The following SPATA21 variants were observed in gnomAD, a reference collection of about 807,000 sequenced individuals.
SPATA21 encodes spermatogenesis associated 21, also known as spermatogenesis-associated protein 21.
In SPATA21, 47 loss-of-function variants were observed where a neutral mutation model predicts 54.8. The observed-to-expected ratio is 0.86, with a 90% CI of 0.68 to 1.09. SPATA21 has a LOEUF of 1.09. Among genes scored for constraint, SPATA21 ranks in the 50% least tolerant of loss-of-function variants. The pLI, the probability that SPATA21 is intolerant of heterozygous loss-of-function variation, is 0.00. For missense variants in SPATA21, 599 were observed against 596.4 expected (o/e 1.00, Z -0.05); for synonymous variants, 245 against 235.3 (o/e 1.04, Z -0.38).
intron 7 of SPATA21, among the ~76,000 whole-genome samples, chr1:16,405,888 C>A (rs1239220055): frequency 1.3e-5 from 2 of 152,210 alleles, no homozygotes; most frequent in East Asian, 1.9e-4. Flanking sequence ...AACCTCTGAG[C>A]CTCAGTTTCC....
chr1:16,411,180 T>C (rs2085832891), intron 5 of SPATA21, among the ~76,000 whole-genome samples: 1 of 152,010 alleles, frequency 6.6e-6, no homozygotes, highest in African/African-American at 2.4e-5. Flanking sequence ...AAATATATTA[T>C]CATCTTCCCT....
intron 7 of SPATA21, among the ~76,000 whole-genome samples, chr1:16,405,726 G>A (rs2085619504): frequency 6.6e-6 from 1 of 152,128 alleles, no homozygotes; most frequent in Non-Finnish European, 1.5e-5. Flanking sequence ...CTAGTACACG[G>A]CCTTTGTATC....
chr1:16,423,037 A>G (rs2086214777), intron 3 of SPATA21, among the ~76,000 whole-genome samples: 1 of 151,744 alleles, frequency 6.6e-6, no homozygotes, highest in Admixed American at 6.6e-5. Context: ...CATGTCTGTA[A>G]TCCCAGCTAT....
chr1:16,400,772 A>G lies in SPATA21; in HGVS notation c.1122T>C (p.Val374=), dbSNP rs1332779892. The G allele has an allele frequency of 3.7e-6, 6 of 1,613,064 alleles. No homozygotes were observed. Among genetic ancestry groups the G allele is most frequent in the African/African-American group, 1.3e-5 (1 of 74,816 alleles). The change falls in exon 11 of 13, where the codon GTT becomes GTC. Residue 374 remains valine, a synonymous_variant. Transcript: ENST00000335496. ...GGATACTGAGGACCTTTCGTTCTGG[A>G]ACTTCTGAGCTCTCTTCTTGCTGGG... ...YNPQQEESSE[V]PERKVLSILS...
intron 10 of SPATA21, among the ~76,000 whole-genome samples, chr1:16,402,180 T>C (rs1375484930): frequency 6.6e-6 from 1 of 150,536 alleles, no homozygotes; most frequent in Non-Finnish European, 1.5e-5. Flanking sequence ...TGGGGCACCC[T>C]TGCCAAAGGT....
Position 16,437,345 on chromosome 1 carries a change from G to A in SPATA21, c.-404C>T, listed in dbSNP as rs2086609973. The A allele has an allele frequency of 6.6e-6, 1 of 151,934 alleles. No homozygotes were observed. Among genetic ancestry groups the A allele is most frequent in the African/African-American group, 2.4e-5 (1 of 41,182 alleles). 9.4% of individuals were successfully genotyped at this position (151,934 alleles called of 1,614,324 possible). On this transcript the variant is annotated 5_prime_UTR_variant, in exon 1 of 13. Transcript: ENST00000335496. ...CAGGAATATCCAGCCATGTGGTTAG[G>A]GTTTGAGAATAAGGCAAGGGGCTGT...
intron 7 of SPATA21, 36 bp from the exon 8 acceptor site, chr1:16,405,140 TTTC>T: frequency 6.3e-7 from 1 of 1,576,836 alleles, no homozygotes; most frequent in Non-Finnish European, 8.6e-7. Context: ...AGTGGGGGCA[TTTC>T]TTGTTTCTGT....
chr1:16,435,210 T>A (rs970686490), intron 1 of SPATA21, among the ~76,000 whole-genome samples: 2 of 152,168 alleles, frequency 1.3e-5, no homozygotes. Context: ...AAGTGTTATC[T>A]CATTCTGATT....
At position 16,421,605 on chromosome 1, in the gene SPATA21, T is replaced by C. The variant is rs748518230; in HGVS notation, c.96-48A>G. The C allele has an allele frequency of 2.5e-6, 4 of 1,573,278 alleles. No homozygotes were observed. The highest frequency in any genetic ancestry group is 2.6e-6 in the Non-Finnish European group (3 of 1,155,018). Reference sequence around the variant, plus strand: ...GGTGGGGGAAGCGCTCAGCTGAAGGTTTGCCCCCCTGCCCTCCCCTCTCAG... The same window carrying C: ...GGTGGGGGAAGCGCTCAGCTGAAGGCTTGCCCCCCTGCCCTCCCCTCTCAG... On this transcript the variant is annotated intron_variant, in intron 4 of 12. Coordinates refer to ENST00000335496, the MANE Select transcript of SPATA21 (RefSeq NM_198546.1). This position sits in a 1 kb window ranked among gnomAD's most constrained non-coding sequence, Gnocchi z 5.2.
At chr1:16,411,820 A>G (rs946237941) in intron 5 of SPATA21, among the ~76,000 whole-genome samples, 4 of 149,882 alleles carry the variant, frequency 2.7e-5, no homozygotes, top group East Asian at 2.0e-4. Flanking sequence ...AAAACAAAAC[A>G]AAGTCTCCTG....
chr1:16,410,192 C>T lies in SPATA21; in HGVS notation c.145-149G>A, dbSNP rs2085798780. On this transcript the variant is annotated intron_variant, in intron 5 of 12. Coordinates refer to ENST00000335496, the MANE Select transcript of SPATA21 (RefSeq NM_198546.1). The stretch of plus-strand genomic sequence containing the variant: ...TGTACCCCAAATCTCACATGCACCC[C>T]ACTGTGCTCCTGCCCCACGTCCTCC... The T allele has an allele frequency of 8.0e-6, 5 of 628,270 alleles. No homozygotes were observed. The South Asian group carries it at 1.1e-4, about 14-fold the overall frequency. The allele number at this position is 628,270 out of a possible 1,614,324, so 38.9% of individuals were successfully genotyped here.
In SPATA21 at chr1:16,433,935, C is replaced by T. The variant is rs534354184; in HGVS notation, c.-186-1011G>A. 8.5e-5 allele frequency among the ~76,000 whole-genome samples: 13 copies of T among 152,240 alleles called. No homozygotes were observed. The South Asian group carries it at 2.7e-3, about 32-fold the overall frequency. On this transcript the variant is annotated intron_variant, in intron 1 of 12. Coordinates refer to ENST00000335496, the MANE Select transcript of SPATA21 (RefSeq NM_198546.1). Reference sequence around the variant, plus strand: ...TAGGATATTCACAGAGTTGTACCACCCTCGCCCTAATTCTAGAATATTTTT... The same window carrying T: ...TAGGATATTCACAGAGTTGTACCACTCTCGCCCTAATTCTAGAATATTTTT...
At chr1:16,434,976 G>A (rs2086549968) in intron 1 of SPATA21, among the ~76,000 whole-genome samples, 1 of 152,014 alleles carries the variant, frequency 6.6e-6, no homozygotes, top group Non-Finnish European at 1.5e-5. Flanking sequence ...TCCCACCTTA[G>A]CCTCCTGAGT....
chr1:16,406,686 GAGGT>G (rs1307579244), intron 7 of SPATA21, among the ~76,000 whole-genome samples: 2 of 152,228 alleles, frequency 1.3e-5, no homozygotes, highest in Non-Finnish European at 2.9e-5. Context: ...AGGCTGCAGT[GAGGT>G]AGGATCATAT....
chr1:16,409,573 C>G lies in SPATA21; in HGVS notation c.587+28G>C. The G allele has an allele frequency of 6.3e-7, 1 of 1,591,390 alleles. No individual in the cohort carries two copies. Among genetic ancestry groups the G allele is most frequent in the Non-Finnish European group, 8.5e-7 (1 of 1,171,042 alleles). ...CTCTGATCTTGGGGCCTTTCAGGAG[C>G]GGGCGGGTGAGCAGCGGGGGCTCCT... On this transcript the variant is annotated intron_variant, in intron 6 of 12. Transcript: ENST00000335496. The surrounding 1 kb of genome is among the most constrained non-coding windows in gnomAD (Gnocchi z 4.1).
intron 11 of SPATA21, 195 bp downstream of exon 11, chr1:16,400,525 G>A: frequency 7.3e-7 from 1 of 1,367,570 alleles, no homozygotes; most frequent in Non-Finnish European, 9.4e-7. Context: ...CAACGCAGGA[G>A]GCCATTGTCA....
chr1:16,434,782 C>T (rs1411627422), intron 1 of SPATA21, among the ~76,000 whole-genome samples: 1 of 152,186 alleles, frequency 6.6e-6, no homozygotes. Flanking sequence ...TATCATTTTA[C>T]CTTCTTACCA....
chr1:16,401,025 TC>T (rs1379219950), intron 10 of SPATA21, 133 bp from the exon 11 acceptor site: 1 of 1,069,106 alleles, frequency 9.4e-7, no homozygotes, highest in Non-Finnish European at 1.3e-6. Context: ...GCTTCTAGTC[TC>T]AGCTCAGCCC....
intron 7 of SPATA21, among the ~76,000 whole-genome samples, chr1:16,408,908 G>GC (rs551971793): frequency 0.44 from 65,849 of 148,330 alleles, 14,878 homozygotes; most frequent in African/African-American, 0.5. Context: ...ATGAGTTCTG[G>GC]CCCCCCCAAC....
Sources: gnomAD v4.1 joint callset for allele counts (sites outside exome capture counted in the v4.1 genomes callset) on GRCh38, gnomAD v4.1.1 for gene constraint, Gnocchi (gnomAD v3.1) non-coding constraint, MANE v1.5 for transcripts, NCBI Gene and HGNC (gene_info 2026-07-23, HGNC 2026-07-21) for gene names.